The following PDE7B variants were observed in gnomAD, a reference collection of about 807,000 sequenced individuals.
PDE7B encodes the protein phosphodiesterase 7B.
A neutral mutation model predicts 56.2 loss-of-function variants in PDE7B; 29 were observed. That is an observed-to-expected ratio of 0.52 (90% CI 0.38 to 0.70). PDE7B has a LOEUF of 0.70. Ranked by LOEUF, PDE7B falls within the 30% of genes least tolerant of loss-of-function variation. The pLI is 0.00. For missense variants in PDE7B, 490 were observed against 565.0 expected (o/e 0.87, Z 1.35); for synonymous variants, 197 against 196.9 (o/e 1.00, Z 0.00).
chr6:136,183,072 CAAAA>C (rs869296450), intron 11 of PDE7B, among the ~76,000 whole-genome samples: 1 of 50,530 alleles, frequency 2.0e-5, no homozygotes. Context: ...ACTCCGTCTC[CAAAA>C]AAAAAAAAAA....
chr6:136,153,963 C>A lies in PDE7B; in HGVS notation c.479-112C>A, dbSNP rs923554023. 3 of 681,706 alleles carry A rather than the reference C, an allele frequency of 4.4e-6. No homozygotes were observed. The African/African-American group carries it at 5.4e-5, about 12-fold the overall frequency. 42.2% of individuals were successfully genotyped at this position (681,706 alleles called of 1,614,324 possible). ...TTATTTTTAAAGCATCTCTATGCTGCACATTTTGGAGGCACTGATATTTTT... is the reference window on the plus strand; with the variant it reads ...TTATTTTTAAAGCATCTCTATGCTGAACATTTTGGAGGCACTGATATTTTT... On this transcript the variant is annotated intron_variant, in intron 6 of 12. Transcript: ENST00000308191.
chr6:136,078,242 C>T (rs1777152710), intron 2 of PDE7B, among the ~76,000 whole-genome samples: 1 of 152,112 alleles, frequency 6.6e-6, no homozygotes, highest in Non-Finnish European at 1.5e-5. Flanking sequence ...AAAAGAATTC[C>T]CATGTCAATG....
At chr6:136,090,948 G>C (rs1443470157) in intron 2 of PDE7B, among the ~76,000 whole-genome samples, 1 of 152,124 alleles carries the variant, frequency 6.6e-6, no homozygotes, top group Non-Finnish European at 1.5e-5. Flanking sequence ...TAACACACCA[G>C]AGCAATGCTA....
chr6:136,110,496 C>T (rs567052491), intron 3 of PDE7B, among the ~76,000 whole-genome samples: 5 of 152,242 alleles, frequency 3.3e-5, no homozygotes, highest in African/African-American at 1.2e-4. Context: ...ACCGAAAGGC[C>T]TCTTTTCAAT....
intron 12 of PDE7B, among the ~76,000 whole-genome samples, chr6:136,190,870 G>A (rs1046468611): frequency 2.6e-5 from 4 of 152,100 alleles, no homozygotes; most frequent in African/African-American, 9.7e-5. Flanking sequence ...AGACAGAACT[G>A]TAAAATGATC....
intron 2 of PDE7B, among the ~76,000 whole-genome samples, chr6:136,046,809 C>A (rs1776517214): frequency 6.6e-6 from 1 of 152,158 alleles, no homozygotes; most frequent in Admixed American, 6.5e-5. Flanking sequence ...TTTCATCTTT[C>A]CACAAAGACA....
At chr6:136,113,438 A>G (rs1182668259) in intron 3 of PDE7B, among the ~76,000 whole-genome samples, 2 of 152,248 alleles carry the variant, frequency 1.3e-5, no homozygotes, top group East Asian at 1.9e-4. Flanking sequence ...AATTTAGAAG[A>G]GAGTCATCTC....
At chr6:135,925,959 A>G (rs1178924553) in intron 1 of PDE7B, among the ~76,000 whole-genome samples, 1 of 152,174 alleles carries the variant, frequency 6.6e-6, no homozygotes, top group Non-Finnish European at 1.5e-5. Flanking sequence ...TGAGGCCACT[A>G]TAATAGAAGA....
At chr6:135,932,566 A>T (rs1774312720) in intron 1 of PDE7B, among the ~76,000 whole-genome samples, 1 of 152,242 alleles carries the variant, frequency 6.6e-6, no homozygotes, top group Admixed American at 6.5e-5. Flanking sequence ...ATGGAGAAAG[A>T]GATAGATAAA....
intron 2 of PDE7B, among the ~76,000 whole-genome samples, chr6:136,061,390 AG>A (rs919165687): frequency 2.0e-5 from 3 of 152,230 alleles, no homozygotes; most frequent in Admixed American, 6.5e-5. Context: ...ATACTCACAA[AG>A]AAAAGAATCA....
At chr6:135,914,934 A>G (rs1441358055) in intron 1 of PDE7B, among the ~76,000 whole-genome samples, 1 of 151,768 alleles carries the variant, frequency 6.6e-6, no homozygotes, top group African/African-American at 2.4e-5. Flanking sequence ...CTCTACTAAA[A>G]GTACAACAAT....
intron 1 of PDE7B, among the ~76,000 whole-genome samples, chr6:135,877,880 G>A (rs1271346225): frequency 6.6e-6 from 1 of 152,076 alleles, no homozygotes; most frequent in Non-Finnish European, 1.5e-5. Context: ...TCAGAATTAA[G>A]CCACCCAGAG....
chr6:135,909,228 T>C (rs1205320897), intron 1 of PDE7B, among the ~76,000 whole-genome samples: 2 of 151,922 alleles, frequency 1.3e-5, no homozygotes, highest in Non-Finnish European at 2.9e-5. Flanking sequence ...GGAATGCGAG[T>C]GTGTAGAGAA....
intron 1 of PDE7B, among the ~76,000 whole-genome samples, chr6:135,928,487 T>TATATTTA (rs1562442915): frequency 2.1e-3 from 179 of 85,512 alleles, no homozygotes; most frequent in African/African-American, 6.4e-3. Context: ...ATATATTTAT[T>TATATTTA]TATATATATA....
At chr6:136,135,341 T>G (rs1583900413) in intron 3 of PDE7B, among the ~76,000 whole-genome samples, 1 of 152,238 alleles carries the variant, frequency 6.6e-6, no homozygotes, top group Non-Finnish European at 1.5e-5. Flanking sequence ...TGTAGATGTT[T>G]TGTTGTATGT....
chr6:135,937,100 A>G (rs995933410), intron 1 of PDE7B, among the ~76,000 whole-genome samples: 3 of 152,210 alleles, frequency 2.0e-5, no homozygotes, highest in African/African-American at 7.2e-5. Flanking sequence ...CTCACTAACA[A>G]GGTGGTACCC....
intron 2 of PDE7B, among the ~76,000 whole-genome samples, chr6:136,069,458 C>A (rs1439639763): frequency 6.6e-6 from 1 of 152,182 alleles, no homozygotes; most frequent in Non-Finnish European, 1.5e-5. Flanking sequence ...GTTTCCCCTT[C>A]AATTCAGTCC....
At chr6:136,097,635 C>A (rs1008944101) in intron 2 of PDE7B, among the ~76,000 whole-genome samples, 1 of 152,122 alleles carries the variant, frequency 6.6e-6, no homozygotes, top group Non-Finnish European at 1.5e-5. Context: ...CTATTAAAAT[C>A]ATTTCATGAC....
At chr6:135,921,649 T>C (rs1774084020) in intron 1 of PDE7B, among the ~76,000 whole-genome samples, 1 of 152,114 alleles carries the variant, frequency 6.6e-6, no homozygotes, top group Admixed American at 6.6e-5. Context: ...ACAAGGCTGA[T>C]TTGCCAATGA....
Sources: allele counts gnomAD v4.1 joint callset (sites outside exome capture counted in the v4.1 genomes callset), GRCh38; gene constraint gnomAD v4.1.1; transcripts MANE v1.5; gene names NCBI Gene and HGNC (gene_info 2026-07-23, HGNC 2026-07-21).